The following GPBP1 variants were observed in gnomAD, a reference collection of about 807,000 sequenced individuals.
GPBP1 encodes GC-rich promoter binding protein 1.
A neutral mutation model predicts 56.5 loss-of-function variants in GPBP1; 13 were observed. The ratio of observed to expected loss-of-function variants is 0.23; its 90% CI spans 0.15 to 0.37. GPBP1 has a LOEUF of 0.37. Ranked by LOEUF, GPBP1 falls within the 10% of genes least tolerant of loss-of-function variation. The probability of loss-of-function intolerance (pLI) is 1.00; values close to 1 mark genes in which losing one functional copy is unlikely to be tolerated. For synonymous variants in GPBP1, 204 were observed against 188.9 expected (o/e 1.08, Z -0.66); for missense variants, 477 against 572.3 (o/e 0.83, Z 1.70).
At chr5:57,197,644 C>T (rs1229855037) in intron 2 of GPBP1, among the ~76,000 whole-genome samples, 1 of 152,144 alleles carries the variant, frequency 6.6e-6, no homozygotes, top group Non-Finnish European at 1.5e-5. Flanking sequence ...CAGGCGGGAG[C>T]CATTGCGCCT....
chr5:57,180,500 A>G (rs62355720), intron 2 of GPBP1, among the ~76,000 whole-genome samples: 3,307 of 152,288 alleles, frequency 0.022, 63 homozygotes, highest in Middle Eastern at 0.048. Flanking sequence ...TTAGGTAACA[A>G]CGTTTAGATC....
chr5:57,235,530 G>A (rs1756626221), intron 5 of GPBP1, among the ~76,000 whole-genome samples: 1 of 151,716 alleles, frequency 6.6e-6, no homozygotes, highest in Admixed American at 6.6e-5. Flanking sequence ...TCTTAGTTAT[G>A]GATAAGGAAA....
intron 2 of GPBP1, among the ~76,000 whole-genome samples, chr5:57,191,024 C>A (rs1322881137): frequency 2.6e-5 from 4 of 152,006 alleles, no homozygotes; most frequent in African/African-American, 4.8e-5. Context: ...GATCTGCCCG[C>A]CTTGGCCTCC....
intron 6 of GPBP1, among the ~76,000 whole-genome samples, chr5:57,240,955 AT>A (rs1464547131): frequency 6.8e-6 from 1 of 147,422 alleles, no homozygotes; most frequent in Middle Eastern, 3.5e-3. Flanking sequence ...TCTGTCTCCC[AT>A]TTAAAAAAAA....
intron 2 of GPBP1, among the ~76,000 whole-genome samples, chr5:57,186,969 T>C (rs1379491071): frequency 1.3e-5 from 2 of 151,524 alleles, no homozygotes; most frequent in African/African-American, 4.9e-5. Flanking sequence ...GTGATGAAAA[T>C]CAAATTATGT....
At position 57,230,397 on chromosome 5, in the gene GPBP1, A is replaced by T. The variant is rs531458003; in HGVS notation, c.64-449A>T. Among the ~76,000 whole-genome samples the T allele has an allele frequency of 5.3e-5, 8 of 152,258 alleles. No homozygotes were observed. The East Asian group carries it at 1.4e-3, about 26-fold the overall frequency. On this transcript the variant is annotated intron_variant, in intron 3 of 11. Transcript: ENST00000506184. ...CATTCTTTTATTTTGATACCTTTTT[A>T]AAAACACTTGGTTTGGGGAAGAGGA...
intron 6 of GPBP1, chr5:57,237,060 A>G (rs1756690608): frequency 2.5e-6 from 3 of 1,217,204 alleles, no homozygotes; most frequent in Non-Finnish European, 1.2e-6. Flanking sequence ...GAACCATGTG[A>G]ATGGCATTGT....
At chr5:57,237,233 AC>A in intron 6 of GPBP1, 1 of 1,074,652 alleles carries the variant, frequency 9.3e-7, no homozygotes. Flanking sequence ...ATATAGAACC[AC>A]CTGGAAGGTG....
At position 57,247,076 on chromosome 5, in the gene GPBP1, C is replaced by T; in HGVS notation, c.665C>T (p.Pro222Leu). 1 of 1,611,244 alleles carries T rather than the reference C, an allele frequency of 6.2e-7. No homozygotes were observed. The highest frequency in any genetic ancestry group is 8.5e-7 in the Non-Finnish European group (1 of 1,178,886). The stretch of plus-strand genomic sequence containing the variant: ...TAATGTTTGTGTGTTTTTCTTTAGC[C>T]TACACAATGGAAAAGCCAAACAAAA... The part of the protein sequence containing the change: ...VPKPAAPPTK[P>L]TQWKSQTKEN... The change falls in exon 8 of 12, where the codon CCT becomes CTT. Residue 222 changes from proline to leucine, a missense_variant and splice_region_variant. By Grantham distance (98) the Pro-to-Leu change is moderately conservative (BLOSUM62 -3). Transcript: ENST00000506184.
chr5:57,224,879 C>T (rs1322793290), intron 3 of GPBP1, among the ~76,000 whole-genome samples: 1 of 151,326 alleles, frequency 6.6e-6, no homozygotes, highest in Non-Finnish European at 1.5e-5. Context: ...CATCCTAGAT[C>T]ATGAAGACAA....
At chr5:57,207,205 G>A (rs1274330121) in intron 2 of GPBP1, among the ~76,000 whole-genome samples, 2 of 152,240 alleles carry the variant, frequency 1.3e-5, no homozygotes, top group African/African-American at 4.8e-5. Context: ...AAATAGGGAA[G>A]TGTGAGTTCT....
intron 3 of GPBP1, among the ~76,000 whole-genome samples, chr5:57,223,084 C>T (rs1274180064): frequency 2.0e-5 from 3 of 151,032 alleles, no homozygotes; most frequent in African/African-American, 7.3e-5. Context: ...GAGCAGATGC[C>T]ATTTATATTG....
At chr5:57,184,942 C>T (rs749983852) in intron 2 of GPBP1, among the ~76,000 whole-genome samples, 2 of 152,088 alleles carry the variant, frequency 1.3e-5, no homozygotes, top group Non-Finnish European at 2.9e-5. Context: ...TTATTAACTC[C>T]CTGTGGGGAC....
At chr5:57,191,683 TC>T (rs1754533225) in intron 2 of GPBP1, among the ~76,000 whole-genome samples, 1 of 151,998 alleles carries the variant, frequency 6.6e-6, no homozygotes, top group Non-Finnish European at 1.5e-5. Context: ...TGCCTCAGCC[TC>T]CCGAGTAGCT....
At chr5:57,199,623 C>T (rs1248057176) in intron 2 of GPBP1, among the ~76,000 whole-genome samples, 2 of 151,994 alleles carry the variant, frequency 1.3e-5, no homozygotes, top group African/African-American at 4.8e-5. Flanking sequence ...TATACATGTG[C>T]CACGTTGGTG....
chr5:57,214,234 A>G (rs773519440), intron 3 of GPBP1, 41 bp downstream of exon 3: 1 of 1,443,678 alleles, frequency 6.9e-7, no homozygotes, highest in Non-Finnish European at 9.8e-7. Context: ...CTTCTCTTGC[A>G]TTCATTTTTT....
chr5:57,225,491 C>CAAAAA (rs554699501), intron 3 of GPBP1, among the ~76,000 whole-genome samples: 11 of 38,064 alleles, frequency 2.9e-4, no homozygotes, highest in African/African-American at 3.8e-4. Flanking sequence ...GATTCCTTCT[C>CAAAAA]AAAAAAAAAA....
chr5:57,183,187 G>A (rs534670191), intron 2 of GPBP1, among the ~76,000 whole-genome samples: 41 of 151,924 alleles, frequency 2.7e-4, no homozygotes, highest in East Asian at 1.2e-3. Flanking sequence ...CCAACATGGC[G>A]AAACCCCGTC....
chr5:57,229,552 A>C (rs1756352107), intron 3 of GPBP1, among the ~76,000 whole-genome samples: 1 of 144,394 alleles, frequency 6.9e-6, no homozygotes, highest in South Asian at 2.1e-4. Context: ...TTTTTGATGG[A>C]GTCTTACTCT....
Sources: allele counts gnomAD v4.1 joint callset (sites outside exome capture counted in the v4.1 genomes callset), GRCh38; gene constraint gnomAD v4.1.1; transcripts MANE v1.5; gene names NCBI Gene and HGNC (gene_info 2026-07-23, HGNC 2026-07-21).